Variants in NELL1 observed in about 807,000 individuals in gnomAD.
NELL1 encodes the protein protein kinase C-binding protein NELL1.
NELL1 carries 76 observed loss-of-function variants against 107.4 expected under a neutral mutation model. The observed-to-expected ratio is 0.71, with a 90% CI of 0.59 to 0.86. The LOEUF (loss-of-function observed/expected upper bound fraction) is 0.86, where lower values mean the gene tolerates loss of function less well. Ranked by LOEUF, NELL1 falls within the 40% of genes least tolerant of loss-of-function variation. The pLI is 0.00. For missense variants in NELL1, 1,024 were observed against 1,005.5 expected, an observed-to-expected ratio of 1.02 and a Z score of -0.25; for synonymous variants, 353 against 341.2, an observed-to-expected ratio of 1.03 and a Z score of -0.38.
intron 15 of NELL1, among the ~76,000 whole-genome samples, chr11:21,384,159 C>G (rs985266883): frequency 5.3e-5 from 8 of 151,958 alleles, no homozygotes; most frequent in African/African-American, 1.9e-4. Flanking sequence ...CTAACTCATC[C>G]TCCTTCCACT....
chr11:21,542,186 C>T (rs542760469), intron 16 of NELL1, among the ~76,000 whole-genome samples: 26 of 152,132 alleles, frequency 1.7e-4, no homozygotes, highest in Non-Finnish European at 3.5e-4. Flanking sequence ...CTTACTATCC[C>T]CATTGTAAAG....
intron 13 of NELL1, among the ~76,000 whole-genome samples, chr11:21,125,593 T>C (rs1306846032): frequency 6.6e-6 from 1 of 152,174 alleles, no homozygotes; most frequent in Non-Finnish European, 1.5e-5. Flanking sequence ...TATAACTGAG[T>C]TCTAAATTGT....
chr11:20,739,790 T>C (rs1855846345), intron 2 of NELL1, among the ~76,000 whole-genome samples: 1 of 152,052 alleles, frequency 6.6e-6, no homozygotes, highest in African/African-American at 2.4e-5. Context: ...TAATATACTG[T>C]AGGGGGTAGC....
chr11:21,554,771 A>G (rs1208713208), intron 16 of NELL1, among the ~76,000 whole-genome samples: 2 of 151,790 alleles, frequency 1.3e-5, no homozygotes, highest in East Asian at 3.9e-4. Flanking sequence ...TGTTAGGTAA[A>G]TTTTTAGAGT....
At chr11:21,417,394 T>A (rs937355312) in intron 15 of NELL1, among the ~76,000 whole-genome samples, 1 of 152,064 alleles carries the variant, frequency 6.6e-6, no homozygotes, top group Non-Finnish European at 1.5e-5. Context: ...TTGTTTATAT[T>A]TTTCATGTAT....
chr11:21,070,153 C>A (rs1395961497), intron 12 of NELL1, among the ~76,000 whole-genome samples: 2 of 151,778 alleles, frequency 1.3e-5, no homozygotes, highest in Non-Finnish European at 2.9e-5. Context: ...TAGCCTAATG[C>A]CAAACATATG....
intron 15 of NELL1, among the ~76,000 whole-genome samples, chr11:21,395,777 T>C (rs750411134): frequency 1.3e-4 from 20 of 151,342 alleles, no homozygotes; most frequent in Non-Finnish European, 2.2e-4. Flanking sequence ...GGAAATTACA[T>C]TGGCCTCTCT....
chr11:21,211,582 G>A (rs1164917918), intron 13 of NELL1, among the ~76,000 whole-genome samples: 1 of 152,100 alleles, frequency 6.6e-6, no homozygotes, highest in African/African-American at 2.4e-5. Flanking sequence ...AATTGCAGGT[G>A]GGCAATGGGG....
intron 3 of NELL1, among the ~76,000 whole-genome samples, chr11:20,827,557 T>A (rs1590330813): frequency 1.3e-5 from 2 of 151,292 alleles, no homozygotes; most frequent in South Asian, 2.1e-4. Context: ...CATGTGGTAT[T>A]CCAGGTGTTT....
chr11:21,188,996 A>G (rs1362643654), intron 13 of NELL1, among the ~76,000 whole-genome samples: 1 of 151,690 alleles, frequency 6.6e-6, no homozygotes, highest in Non-Finnish European at 1.5e-5. Context: ...TTATGCTGCT[A>G]CTCTATGTCC....
intron 13 of NELL1, chr11:21,169,873 T>C (rs942459464): frequency 5.0e-6 from 7 of 1,410,300 alleles, no homozygotes; most frequent in African/African-American, 1.4e-5. Flanking sequence ...AGTTGCCATG[T>C]CACCCAGCAC....
chr11:20,960,803 A>G (rs1851275183), intron 12 of NELL1, among the ~76,000 whole-genome samples: 1 of 152,230 alleles, frequency 6.6e-6, no homozygotes, highest in East Asian at 1.9e-4. Flanking sequence ...CAACAGGGAC[A>G]TATCAAATCC....
chr11:21,431,893 T>A (rs1852975572), intron 15 of NELL1, among the ~76,000 whole-genome samples: 1 of 152,142 alleles, frequency 6.6e-6, no homozygotes, highest in Admixed American at 6.5e-5. Context: ...CTACTTGAGT[T>A]TTTATGTTGA....
At chr11:20,989,775 G>A (rs747777307) in intron 12 of NELL1, among the ~76,000 whole-genome samples, 7 of 152,032 alleles carry the variant, frequency 4.6e-5, no homozygotes, top group African/African-American at 7.2e-5. Context: ...GGTGGAACAC[G>A]AGGTCAGGAG....
chr11:21,360,589 T>C (rs1017262301), intron 14 of NELL1, among the ~76,000 whole-genome samples: 1 of 152,180 alleles, frequency 6.6e-6, no homozygotes, highest in African/African-American at 2.4e-5. Context: ...TAGTGGGGTA[T>C]TGAAGTTTCC....
intron 5 of NELL1, among the ~76,000 whole-genome samples, chr11:20,906,067 T>A (rs1221730435): frequency 6.6e-6 from 1 of 152,128 alleles, no homozygotes; most frequent in Non-Finnish European, 1.5e-5. Flanking sequence ...TACAAGGACT[T>A]CTTCATGAGA....
intron 14 of NELL1, among the ~76,000 whole-genome samples, chr11:21,245,322 T>C (rs1281606943): frequency 1.3e-5 from 2 of 152,210 alleles, no homozygotes; most frequent in Admixed American, 6.6e-5. Flanking sequence ...GCAATTTCTG[T>C]GGCCTTGGAA....
At chr11:21,169,902 C>A in intron 13 of NELL1, 1 of 1,453,358 alleles carries the variant, frequency 6.9e-7, no homozygotes, top group Non-Finnish European at 9.6e-7. Context: ...GTCCCCAGGT[C>A]GTCCACCGAT....
chr11:20,945,414 C>T (rs1477238029), intron 10 of NELL1, among the ~76,000 whole-genome samples: 1 of 152,210 alleles, frequency 6.6e-6, no homozygotes, highest in East Asian at 1.9e-4. Flanking sequence ...TAACTTCCGG[C>T]TCTCTGCATG....
Sources: gnomAD v4.1 joint callset for allele counts (sites outside exome capture counted in the v4.1 genomes callset) on GRCh38, gnomAD v4.1.1 for gene constraint, MANE v1.5 for transcripts, NCBI Gene and HGNC (gene_info 2026-07-23, HGNC 2026-07-21) for gene names.